The following DCDC1 variants were observed in gnomAD, a reference collection of about 807,000 sequenced individuals.
The protein encoded by DCDC1 is doublecortin domain-containing protein 1.
Under a neutral mutation model 178.3 loss-of-function variants are expected in DCDC1, and 200 were observed. That is an observed-to-expected ratio of 1.12 (90% CI 1.00 to 1.26). The LOEUF is 1.26. Ranked by LOEUF, DCDC1 falls within the 50% of genes most tolerant of loss-of-function variation. DCDC1 has a pLI of 0.00. For synonymous variants in DCDC1, 690 were observed against 604.8 expected (o/e 1.14, Z -2.07); for missense variants, 1,983 against 1,749.2 (o/e 1.13, Z -2.38).
intron 20 of DCDC1, among the ~76,000 whole-genome samples, chr11:31,026,187 AAGAG>A (rs1404855545): frequency 2.0e-5 from 3 of 151,792 alleles, no homozygotes; most frequent in Non-Finnish European, 3.0e-5. Flanking sequence ...TTAGACAAAA[AAGAG>A]AGAGATAAAA....
At chr11:30,927,743 G>C (rs1306622741) in intron 22 of DCDC1, among the ~76,000 whole-genome samples, 1 of 152,042 alleles carries the variant, frequency 6.6e-6, no homozygotes, top group Admixed American at 6.6e-5. Context: ...TTTGTACATG[G>C]AAAAATCAAC....
intron 20 of DCDC1, among the ~76,000 whole-genome samples, chr11:30,954,679 T>C (rs1470376680): frequency 6.6e-6 from 1 of 152,178 alleles, no homozygotes; most frequent in Non-Finnish European, 1.5e-5. Flanking sequence ...ACGATGGACA[T>C]TTACTAATGC....
intron 6 of DCDC1, among the ~76,000 whole-genome samples, chr11:31,294,804 AAGAAAGAAAGAAAGAAAG>A (rs766264414): frequency 3.7e-5 from 1 of 26,854 alleles, no homozygotes; most frequent in Non-Finnish European, 8.3e-5. Context: ...AAGAAAAAGA[AAGAAAGAAAGAAAGAAAG>A]AAAGAAAGAA....
chr11:30,925,256 T>C (rs1946520296), intron 23 of DCDC1, 53 bp downstream of exon 23: 2 of 1,454,584 alleles, frequency 1.4e-6, no homozygotes. Context: ...GGATTCTTTC[T>C]TGGATGGGGT....
chr11:31,197,429 A>G (rs1044845451), intron 9 of DCDC1, among the ~76,000 whole-genome samples: 2 of 152,144 alleles, frequency 1.3e-5, no homozygotes, highest in African/African-American at 4.8e-5. Context: ...TGTAAACTAT[A>G]ATAGATAATG....
chr11:31,064,502 A>G lies in DCDC1; in HGVS notation c.2558T>C (p.Leu853Pro), dbSNP rs762371789. Residue 853 changes from leucine to proline, a missense_variant, in exon 20 of 39, where the codon CTG becomes CCG. Coordinates refer to ENST00000684477, the MANE Select transcript of DCDC1 (RefSeq NM_001387274.1). ...GELTVALVRK[L>P]EEKHPKASAQ... Reference sequence around the variant, plus strand: ...AGAAGCCTTAGGATGTTTCTCTTCCAGTTTCCTCACCAGTGCTACTGTCAG... The same window carrying G: ...AGAAGCCTTAGGATGTTTCTCTTCCGGTTTCCTCACCAGTGCTACTGTCAG... The G allele has an allele frequency of 2.6e-6, 2 of 765,854 alleles. No individual in the cohort carries two copies. Among genetic ancestry groups the G allele is most frequent in the Non-Finnish European group, 4.8e-6 (2 of 417,490 alleles). The allele number at this position is 765,854 out of a possible 1,614,324, so 47.4% of individuals were successfully genotyped here.
At chr11:31,253,685 T>C (rs1406130759) in intron 8 of DCDC1, among the ~76,000 whole-genome samples, 3 of 152,220 alleles carry the variant, frequency 2.0e-5, no homozygotes, top group African/African-American at 7.2e-5. Flanking sequence ...ACCTAAGCCA[T>C]GCCTGAATTC....
chr11:31,182,648 A>G (rs1242531272), intron 9 of DCDC1, among the ~76,000 whole-genome samples: 2 of 152,136 alleles, frequency 1.3e-5, no homozygotes, highest in African/African-American at 2.4e-5. Flanking sequence ...GCAAAAACAT[A>G]CCAAATTGTA....
At chr11:31,148,299 C>T (rs1964697447) in intron 9 of DCDC1, among the ~76,000 whole-genome samples, 1 of 149,650 alleles carries the variant, frequency 6.7e-6, no homozygotes, top group Admixed American at 6.7e-5. Flanking sequence ...GTAATCCCAA[C>T]AGTCTGGGAG....
intron 1 of DCDC1, among the ~76,000 whole-genome samples, chr11:31,359,432 T>C (rs1205363796): frequency 2.1e-4 from 20 of 96,804 alleles, no homozygotes; most frequent in African/African-American, 7.0e-4. Context: ...TGGGGACTGT[T>C]GTGGGGTGGG....
chr11:30,900,978 A>G (rs1944622882), intron 32 of DCDC1, among the ~76,000 whole-genome samples: 1 of 152,164 alleles, frequency 6.6e-6, no homozygotes, highest in African/African-American at 2.4e-5. Flanking sequence ...TGAACATCCA[A>G]TAAATGTTAG....
intron 9 of DCDC1, among the ~76,000 whole-genome samples, chr11:31,197,145 T>C (rs1364464774): frequency 6.6e-6 from 1 of 152,094 alleles, no homozygotes; most frequent in Non-Finnish European, 1.5e-5. Flanking sequence ...GATTTAGTGA[T>C]ATGCAATAAA....
At chr11:30,905,297 A>G in intron 30 of DCDC1, 133 bp from the exon 31 acceptor site, 1 of 953,580 alleles carries the variant, frequency 1.0e-6, no homozygotes, top group Non-Finnish European at 1.5e-6. Context: ...CATGTTTTAT[A>G]GATATTGAAT....
chr11:30,911,720 G>A (rs1945461821), intron 27 of DCDC1, among the ~76,000 whole-genome samples: 1 of 152,094 alleles, frequency 6.6e-6, no homozygotes, highest in Admixed American at 6.5e-5. Context: ...CAGGAAGCAG[G>A]TCTCCTGGGA....
rs1284005338 is a variant in DCDC1, at chr11:31,034,396, AG to A, written c.2591+30072del. On this transcript the variant is annotated intron_variant, in intron 20 of 38. Transcript: ENST00000684477. The stretch of plus-strand genomic sequence containing the variant: ...CTAAGTGAACGTTTATAAAGTTTAC[AG>A]TAATGTACAATAATGTCCTAGATCT... Among the ~76,000 whole-genome samples, 40 of 152,304 alleles carry A rather than the reference AG, an allele frequency of 2.6e-4. No homozygotes were observed. The East Asian group carries it at 7.5e-3, about 29-fold the overall frequency.
intron 20 of DCDC1, among the ~76,000 whole-genome samples, chr11:31,047,532 T>C (rs1954925777): frequency 6.6e-6 from 1 of 152,184 alleles, no homozygotes; most frequent in Admixed American, 6.5e-5. Flanking sequence ...TCTCTTCAAC[T>C]ACATTTCAAC....
intron 9 of DCDC1, among the ~76,000 whole-genome samples, chr11:31,187,222 T>A (rs1411291067): frequency 6.6e-6 from 1 of 152,204 alleles, no homozygotes; most frequent in Non-Finnish European, 1.5e-5. Context: ...ATTTGTTGAA[T>A]GAATAAGACC....
At chr11:30,965,535 CTT>C (rs34013491) in intron 20 of DCDC1, among the ~76,000 whole-genome samples, 8 of 139,080 alleles carry the variant, frequency 5.8e-5, no homozygotes, top group Admixed American at 7.2e-5. Flanking sequence ...TAGAAAATTT[CTT>C]TTTTTTTTTT....
intron 20 of DCDC1, among the ~76,000 whole-genome samples, chr11:30,986,472 A>T (rs1160409769): frequency 6.6e-6 from 1 of 151,886 alleles, no homozygotes; most frequent in Non-Finnish European, 1.5e-5. Flanking sequence ...AGCTGGGACT[A>T]CAGGCACACA....
Sources: allele counts gnomAD v4.1 joint callset (sites outside exome capture counted in the v4.1 genomes callset), GRCh38; gene constraint gnomAD v4.1.1; transcripts MANE v1.5; gene names NCBI Gene and HGNC (gene_info 2026-07-23, HGNC 2026-07-21).